CACNB2: variants seen among roughly 807,000 people sequenced by gnomAD.
The protein encoded by CACNB2 is calcium voltage-gated channel auxiliary subunit beta 2, also known as voltage-dependent L-type calcium channel subunit beta-2.
Under a neutral mutation model 73.3 loss-of-function variants are expected in CACNB2, and 42 were observed. The ratio of observed to expected loss-of-function variants is 0.57; its 90% confidence interval spans 0.45 to 0.74. The LOEUF (loss-of-function observed/expected upper bound fraction) is 0.74, where lower values mean the gene tolerates loss of function less well. CACNB2 is among the 30% of genes least tolerant of loss of function. The pLI is 0.00. For synonymous variants in CACNB2, 348 were observed against 310.3 expected (o/e 1.12, Z -1.28); for missense variants, 940 against 853.0 (o/e 1.10, Z -1.27).
At chr10:18,466,227 T>G (rs1349180561) in intron 3 of CACNB2, among the ~76,000 whole-genome samples, 1 of 152,128 alleles carries the variant, frequency 6.6e-6, no homozygotes, top group Admixed American at 6.6e-5. Context: ...GTCTTTTGCC[T>G]ATTTAATCTA....
chr10:18,256,258 T>C (rs1334646927), intron 2 of CACNB2, among the ~76,000 whole-genome samples: 1 of 147,084 alleles, frequency 6.8e-6, no homozygotes, highest in Admixed American at 7.0e-5. Flanking sequence ...CTAGTTTTTG[T>C]TGACTTTATT....
At chr10:18,328,723 C>T (rs1195446899) in intron 2 of CACNB2, among the ~76,000 whole-genome samples, 5 of 152,178 alleles carry the variant, frequency 3.3e-5, no homozygotes, top group Admixed American at 6.5e-5. Context: ...AGATTTGGGA[C>T]TCAATTCAAT....
At position 18,498,484 on chromosome 10, in the gene CACNB2, A is replaced by G; in HGVS notation, c.456+7A>G. ...TTTTCTGCATGTTAAGGAAGTAAGG[A>G]GAATAATTTCATTTTCTAACAGCAT... On this transcript the variant is annotated splice_region_variant and intron_variant, in intron 4 of 13. Coordinates refer to ENST00000324631, the MANE Select transcript of CACNB2 (RefSeq NM_201596.3). The G allele has an allele frequency of 6.2e-7, 1 of 1,613,812 alleles. No homozygotes were observed.
intron 3 of CACNB2, among the ~76,000 whole-genome samples, chr10:18,403,188 C>T (rs989833564): frequency 6.6e-6 from 1 of 152,170 alleles, no homozygotes; most frequent in African/African-American, 2.4e-5. Context: ...TCATAAATAG[C>T]AGATGCAGGG....
At chr10:18,323,090 T>C (rs1472533943) in intron 2 of CACNB2, among the ~76,000 whole-genome samples, 2 of 151,238 alleles carry the variant, frequency 1.3e-5, no homozygotes, top group African/African-American at 4.9e-5. Context: ...GTTTCCTGAG[T>C]AGCTGGGACT....
At chr10:18,170,400 A>G (rs1248822805) in intron 2 of CACNB2, among the ~76,000 whole-genome samples, 1 of 152,216 alleles carries the variant, frequency 6.6e-6, no homozygotes, top group Non-Finnish European at 1.5e-5. Flanking sequence ...CCATCCCTCC[A>G]GCCTTTTTCA....
intron 2 of CACNB2, among the ~76,000 whole-genome samples, chr10:18,309,138 T>C (rs2039860221): frequency 6.6e-6 from 1 of 152,246 alleles, no homozygotes; most frequent in Admixed American, 6.5e-5. Context: ...TTCTGAAATT[T>C]TAAAATATTG....
chr10:18,150,853 G>GTATTTTTTTTT (rs756678637), intron 1 of CACNB2, 30 bp from the exon 2 acceptor site: 24 of 655,462 alleles, frequency 3.7e-5, no homozygotes, highest in Non-Finnish European at 4.4e-5. Context: ...AATCTTATTT[G>GTATTTTTTTTT]TCTTTTTTTT....
rs900030364 is a variant in CACNB2 at position 18,541,319 on chromosome 10, A to G, written c.*1595A>G. Reference sequence around the variant, plus strand: ...AATGTTAAGAATATTATCCTACATAAGACATGTACACAGAAGGGGAACCTT... The same window carrying G: ...AATGTTAAGAATATTATCCTACATAGGACATGTACACAGAAGGGGAACCTT... On this transcript the variant is annotated 3_prime_UTR_variant, in exon 14 of 14. Transcript: ENST00000324631. 1.9e-4 allele frequency: 29 copies of G among 152,768 alleles called. No individual in the cohort carries two copies. The highest frequency in any genetic ancestry group is 7.0e-4 in the African/African-American group (29 of 41,578). The allele number at this position is 152,768 out of a possible 1,614,324, so 9.5% of individuals were successfully genotyped here.
intron 2 of CACNB2, among the ~76,000 whole-genome samples, chr10:18,157,135 A>G (rs16916896): frequency 6.6e-6 from 1 of 152,144 alleles, no homozygotes; most frequent in Non-Finnish European, 1.5e-5. Flanking sequence ...GTTGCAGACA[A>G]AAATGTTACC....
intron 2 of CACNB2, among the ~76,000 whole-genome samples, chr10:18,186,057 C>T (rs148156040): frequency 6.6e-6 from 1 of 152,110 alleles, no homozygotes; most frequent in African/African-American, 2.4e-5. Context: ...GTGTCTGCCA[C>T]ATGGAAGTTA....
At chr10:18,225,461 G>T (rs2035951910) in intron 2 of CACNB2, among the ~76,000 whole-genome samples, 1 of 152,086 alleles carries the variant, frequency 6.6e-6, no homozygotes, top group African/African-American at 2.4e-5. Flanking sequence ...GACTGAACCA[G>T]GATTCGTGAC....
At position 18,538,071 on chromosome 10, in the gene CACNB2, G is replaced by T. The variant is rs949883502; in HGVS notation, c.1303-109G>T. Reference sequence around the variant, plus strand: ...AGTAGCAGCACTTATAGAAGCAGGAGCAAGTACAAAGGGGTGCAGCTCATG... The same window carrying T: ...AGTAGCAGCACTTATAGAAGCAGGATCAAGTACAAAGGGGTGCAGCTCATG... On this transcript the variant is annotated intron_variant, in intron 12 of 13. Transcript: ENST00000324631. 43 of 992,582 alleles carry T rather than the reference G, an allele frequency of 4.3e-5. No homozygotes were observed. The African/African-American group carries it at 5.9e-4, about 14-fold the overall frequency. 61.5% of individuals were successfully genotyped at this position (992,582 alleles called of 1,614,324 possible).
chr10:18,208,633 A>G (rs1164018015), intron 2 of CACNB2, among the ~76,000 whole-genome samples: 3 of 151,950 alleles, frequency 2.0e-5, no homozygotes, highest in African/African-American at 4.8e-5. Context: ...ATAAAATAAA[A>G]AGATTGTTTT....
chr10:18,192,455 C>A (rs908147139), intron 2 of CACNB2, among the ~76,000 whole-genome samples: 1 of 152,102 alleles, frequency 6.6e-6, no homozygotes, highest in East Asian at 1.9e-4. Context: ...TCAAGTGATC[C>A]TCCTGCCTTA....
chr10:18,481,407 C>T lies in CACNB2; in HGVS notation c.334-16948C>T, dbSNP rs189513144. ...GACTACAGGTGTGCACCATCATGCC[C>T]GGCTAGTTTTTGTATTTTTAGTAGA... On this transcript the variant is annotated intron_variant, in intron 3 of 13. Coordinates refer to ENST00000324631, the MANE Select transcript of CACNB2 (RefSeq NM_201596.3). Among the ~76,000 whole-genome samples the T allele has an allele frequency of 1.8e-3, 265 of 150,292 alleles. 1 individual carries two copies. Among genetic ancestry groups the T allele is most frequent in the African/African-American group, 5.5e-3 (225 of 40,880 alleles).
At chr10:18,488,246 T>A (rs1376285650) in intron 3 of CACNB2, among the ~76,000 whole-genome samples, 2 of 150,128 alleles carry the variant, frequency 1.3e-5, no homozygotes, top group Admixed American at 1.3e-4. Context: ...GAGGCCGAGG[T>A]GGGCGGATCA....
intron 2 of CACNB2, among the ~76,000 whole-genome samples, chr10:18,201,879 A>G (rs2034898209): frequency 6.6e-6 from 1 of 152,200 alleles, no homozygotes; most frequent in South Asian, 2.1e-4. Flanking sequence ...TGTCTTATAC[A>G]ATTTGAGAGC....
At chr10:18,267,790 A>C (rs987107488) in intron 2 of CACNB2, among the ~76,000 whole-genome samples, 11 of 152,158 alleles carry the variant, frequency 7.2e-5, no homozygotes, top group African/African-American at 2.4e-4. Flanking sequence ...ATCTCCCAGC[A>C]CAGCCCCAGT....
Sources: allele counts gnomAD v4.1 joint callset (sites outside exome capture counted in the v4.1 genomes callset), GRCh38; gene constraint gnomAD v4.1.1; transcripts MANE v1.5; gene names NCBI Gene and HGNC (gene_info 2026-07-23, HGNC 2026-07-21).